The following FARS2 variants were observed in gnomAD, a reference collection of about 807,000 sequenced individuals.
FARS2 encodes the protein phenylalanyl-tRNA synthetase 2, mitochondrial.
A neutral mutation model predicts 46.4 loss-of-function variants in FARS2; 40 were observed. The observed-to-expected ratio is 0.86, with a 90% CI of 0.67 to 1.12. The LOEUF is 1.12. Among genes scored for constraint, FARS2 ranks in the 50% most tolerant of loss-of-function variants. The pLI is 0.00. For missense variants in FARS2, 513 were observed against 567.9 expected (o/e 0.90, Z 0.98); for synonymous variants, 234 against 214.9 (o/e 1.09, Z -0.78).
At chr6:5,297,662 T>TA (rs5873971) in intron 1 of FARS2, among the ~76,000 whole-genome samples, 19 of 151,172 alleles carry the variant, frequency 1.3e-4, no homozygotes, top group Non-Finnish European at 1.5e-4. Flanking sequence ...AGCAAAAAAA[T>TA]AAAAAAAAAC....
rs867843399 is a variant in FARS2, at chr6:5,399,168, T to C, written c.613-5374T>C. Among the ~76,000 whole-genome samples, 980 of 118,524 alleles carry C rather than the reference T, an allele frequency of 8.3e-3. 27 individuals are homozygous for C. The highest frequency in any genetic ancestry group is 0.031 in the African/African-American group (909 of 29,024). The allele number at this position is 118,524 out of a possible 152,430, so 77.8% of individuals were successfully genotyped here. A position where few individuals can be genotyped will look rare whatever the true frequency, so the allele number is the denominator to read the frequency against. On this transcript the variant is annotated intron_variant, in intron 2 of 6. Coordinates refer to ENST00000274680, the MANE Select transcript of FARS2 (RefSeq NM_006567.5). Reference sequence around the variant, plus strand: ...TTATTATTATTATTATTATTATTATTATTATTATCATCATCATCATCATCG... The same window carrying C: ...TTATTATTATTATTATTATTATTATCATTATTATCATCATCATCATCATCG...
chr6:5,726,645 C>G (rs1016785393), intron 6 of FARS2, among the ~76,000 whole-genome samples: 1 of 152,198 alleles, frequency 6.6e-6, no homozygotes, highest in Non-Finnish European at 1.5e-5. Flanking sequence ...CCCAGGATCC[C>G]TCTATGCCTC....
chr6:5,406,951 A>G (rs1324209619), intron 3 of FARS2, among the ~76,000 whole-genome samples: 3 of 150,666 alleles, frequency 2.0e-5, no homozygotes, highest in East Asian at 2.0e-4. Flanking sequence ...TGGTATGTCA[A>G]ATACACATTT....
intron 4 of FARS2, among the ~76,000 whole-genome samples, chr6:5,449,468 G>T (rs1037825744): frequency 2.0e-5 from 3 of 151,780 alleles, no homozygotes; most frequent in Non-Finnish European, 2.9e-5. Context: ...AAAGTATAAG[G>T]TTTCAGAAAA....
chr6:5,496,331 G>A (rs1035836294), intron 4 of FARS2, among the ~76,000 whole-genome samples: 2 of 152,142 alleles, frequency 1.3e-5, no homozygotes, highest in African/African-American at 4.8e-5. Flanking sequence ...TTAAAATGAA[G>A]CCTTACAAGG....
rs142014114 is a variant in FARS2, at chr6:5,626,255, G to T, written c.1217+12935G>T. 1.9e-4 allele frequency among the ~76,000 whole-genome samples: 29 copies of T among 152,250 alleles called. No homozygotes were observed. In the East Asian group the frequency reaches 5.2e-3, roughly 27 times the overall value. ...TCTCAGACTCAGACATCCCCAGCCTGCAGGTCCAGATGAGGGTACGTAATA... is the reference window on the plus strand; with the variant it reads ...TCTCAGACTCAGACATCCCCAGCCTTCAGGTCCAGATGAGGGTACGTAATA... On this transcript the variant is annotated intron_variant, in intron 6 of 6. Coordinates refer to ENST00000274680, the MANE Select transcript of FARS2 (RefSeq NM_006567.5).
chr6:5,263,945 C>T (rs911363043), intron 1 of FARS2, among the ~76,000 whole-genome samples: 2 of 152,210 alleles, frequency 1.3e-5, no homozygotes, highest in African/African-American at 2.4e-5. Flanking sequence ...GGCATGGTGG[C>T]TCACACCTGT....
At position 5,283,855 on chromosome 6, in the gene FARS2, C is replaced by CAAG. The variant is rs570515104; in HGVS notation, c.-22+22196_-22+22197insAGA. Among the ~76,000 whole-genome samples, 520 of 152,258 alleles carry CAAG rather than the reference C, an allele frequency of 3.4e-3. 6 individuals carry two copies. The highest frequency in any genetic ancestry group is 0.012 in the African/African-American group (495 of 41,540). ...TCAATAAAAATTTGTTTCCTGTCTT[C>CAAG]AGCTTTTACAAATTGTTTAGTGAAT... On this transcript the variant is annotated intron_variant, in intron 1 of 6. Coordinates refer to ENST00000274680, the MANE Select transcript of FARS2 (RefSeq NM_006567.5).
chr6:5,495,548 C>T (rs1767408784), intron 4 of FARS2, among the ~76,000 whole-genome samples: 1 of 152,316 alleles, frequency 6.6e-6, no homozygotes, highest in South Asian at 2.1e-4. Flanking sequence ...GAATCTGGAG[C>T]TAGGAAGGGA....
chr6:5,726,312 A>AGCAGGCCCAGT (rs1760253398), intron 6 of FARS2, among the ~76,000 whole-genome samples: 1 of 152,186 alleles, frequency 6.6e-6, no homozygotes, highest in East Asian at 1.9e-4. Context: ...CTCCCTCACC[A>AGCAGGCCCAGT]GCAGGCCCAG....
At position 5,657,075 on chromosome 6, in the gene FARS2, G is replaced by A. The variant is rs562536881; in HGVS notation, c.1217+43755G>A. Among the ~76,000 whole-genome samples the A allele has an allele frequency of 5.9e-5, 9 of 152,062 alleles. No homozygotes were observed. In the East Asian group the frequency reaches 1.2e-3, roughly 20 times the overall value. Reference sequence around the variant, plus strand: ...ACATATCCTTATGTAATGCATATATGTATATACATTGTGTATATATACATA... The same window carrying A: ...ACATATCCTTATGTAATGCATATATATATATACATTGTGTATATATACATA... On this transcript the variant is annotated intron_variant, in intron 6 of 6. Transcript: ENST00000274680.
chr6:5,465,461 T>TAAA (rs1418797243), intron 4 of FARS2, among the ~76,000 whole-genome samples: 1 of 152,252 alleles, frequency 6.6e-6, no homozygotes, highest in Non-Finnish European at 1.5e-5. Context: ...TACTTGCTAT[T>TAAA]TTGCTCATTG....
intron 6 of FARS2, among the ~76,000 whole-genome samples, chr6:5,756,578 G>A (rs1263865766): frequency 2.6e-5 from 4 of 152,148 alleles, no homozygotes; most frequent in African/African-American, 9.7e-5. Context: ...CACAAGATCA[G>A]CAAGGGAGAA....
intron 6 of FARS2, among the ~76,000 whole-genome samples, chr6:5,689,840 C>G (rs1166380464): frequency 6.6e-6 from 1 of 152,098 alleles, no homozygotes; most frequent in African/African-American, 2.4e-5. Context: ...GTCTAAGTCT[C>G]TTTGTAGGTC....
At position 5,665,872 on chromosome 6, in the gene FARS2, A is replaced by C. The variant is rs541183184; in HGVS notation, c.1217+52552A>C. The stretch of plus-strand genomic sequence containing the variant: ...GGGCAGCTTCTTGGCAGGAGGTGAG[A>C]GCTTTCTGCTTCCTTTTTAGGACAA... On this transcript the variant is annotated intron_variant, in intron 6 of 6. Transcript: ENST00000274680. Among the ~76,000 whole-genome samples the C allele has an allele frequency of 2.6e-5, 4 of 152,288 alleles. No homozygotes were observed. In the South Asian group the frequency reaches 8.3e-4, roughly 32 times the overall value.
At chr6:5,257,602 C>T (rs749907964), upstream of FARS2, among the ~76,000 whole-genome samples, 6 of 152,134 alleles carry the variant, frequency 3.9e-5, no homozygotes, top group Admixed American at 1.3e-4. Context: ...TGGGTGAGTG[C>T]GCATTATGGC....
chr6:5,495,019 AC>A (rs1427598508), intron 4 of FARS2, among the ~76,000 whole-genome samples: 1 of 152,194 alleles, frequency 6.6e-6, no homozygotes, highest in Non-Finnish European at 1.5e-5. Flanking sequence ...TCCTAAAATG[AC>A]TGCTGTGTGA....
intron 1 of FARS2, among the ~76,000 whole-genome samples, chr6:5,361,596 C>T (rs1758306940): frequency 6.6e-6 from 1 of 152,218 alleles, no homozygotes; most frequent in South Asian, 2.1e-4. Context: ...CAAAAGCATT[C>T]TCTTGACTTG....
chr6:5,400,248 A>G (rs1282019399), intron 2 of FARS2, among the ~76,000 whole-genome samples: 1 of 151,800 alleles, frequency 6.6e-6, no homozygotes, highest in African/African-American at 2.4e-5. Context: ...TTCAGGGGTC[A>G]TTTTCATATC....
Sources: allele counts gnomAD v4.1 joint callset (sites outside exome capture counted in the v4.1 genomes callset), GRCh38; gene constraint gnomAD v4.1.1; transcripts MANE v1.5; gene names NCBI Gene and HGNC (gene_info 2026-07-23, HGNC 2026-07-21).